The following ABCD4 variants were observed in gnomAD, a reference collection of about 807,000 sequenced individuals.
ABCD4 encodes the protein lysosomal cobalamin transporter ABCD4.
ABCD4 carries 53 observed loss-of-function variants against 86.3 expected under a neutral mutation model. The ratio of observed to expected loss-of-function variants is 0.61; its 90% CI spans 0.49 to 0.77. The LOEUF (loss-of-function observed/expected upper bound fraction) is 0.77. Ranked by LOEUF, ABCD4 falls within the 30% of genes least tolerant of loss-of-function variation. The pLI is 0.00. For synonymous variants in ABCD4, 328 were observed against 313.6 expected (o/e 1.05, Z -0.49); for missense variants, 757 against 764.5 (o/e 0.99, Z 0.12).
chr14:74,295,059 C>CGGT (rs1269373931), intron 7 of ABCD4, 89 bp downstream of exon 7: 2 of 1,505,846 alleles, frequency 1.3e-6, no homozygotes, highest in Admixed American at 1.7e-5. Context: ...CCCCTGAGCT[C>CGGT]GGTGGTGGTG....
In ABCD4 at chr14:74,295,902, G is replaced by C; in HGVS notation, c.620C>G (p.Pro207Arg). The change falls in exon 6 of 19, where the codon CCC becomes CGC. Residue 207 changes from proline to arginine, a missense_variant. By Grantham distance (103) the Pro-to-Arg change is moderately radical (BLOSUM62 -2). Coordinates refer to ENST00000356924, the MANE Select transcript of ABCD4 (RefSeq NM_005050.4). ...GTVVNKTLMG[P>R]IVMKLVHQEK... ...CTGATGCACCAGCTTCATCACAATG[G>C]GGCCCATCAAAGTTTTGTTCACCAC... 6.2e-7 allele frequency: 1 copy of C among 1,613,148 alleles called. No homozygotes were observed.
intron 3 of ABCD4, 104 bp downstream of exon 3, chr14:74,299,444 C>A (rs1445435082): frequency 2.1e-6 from 3 of 1,425,514 alleles, no homozygotes; most frequent in Non-Finnish European, 2.9e-6. Flanking sequence ...GGAAACACAC[C>A]CCCACAGCTT....
intron 15 of ABCD4, 63 bp from the exon 16 acceptor site, chr14:74,288,322 G>A: frequency 1.3e-6 from 2 of 1,517,052 alleles, no homozygotes; most frequent in Non-Finnish European, 1.8e-6. Flanking sequence ...TGCCATCATG[G>A]GGAACCTCCC....
rs930102975 is a variant in ABCD4, at chr14:74,286,541, C to T, written c.1753-12G>A. On this transcript the variant is annotated splice_polypyrimidine_tract_variant and intron_variant, in intron 18 of 18. Transcript: ENST00000356924. The stretch of plus-strand genomic sequence containing the variant: ...ACCAAGGAATGAAACTACAAGAGAC[C>T]ACCACCACATGGAGATCAGGCTGCC... 14 of 1,614,206 alleles carry T rather than the reference C, an allele frequency of 8.7e-6. No individual in the cohort carries two copies. Among genetic ancestry groups the T allele is most frequent in the Middle Eastern group, 1.6e-4 (1 of 6,062 alleles).
intron 6 of ABCD4, chr14:74,295,644 T>C: frequency 1.6e-6 from 1 of 625,168 alleles, no homozygotes; most frequent in East Asian, 3.0e-5. Flanking sequence ...AGGTATGATT[T>C]CATTAATCCT....
At chr14:74,297,727 C>T in intron 4 of ABCD4, 1 of 1,299,232 alleles carries the variant, frequency 7.7e-7, no homozygotes, top group East Asian at 3.2e-5. Context: ...ACCTGGCAGG[C>T]TTCTTCTTTT....
chr14:74,295,809 A>C (rs1310231707), intron 6 of ABCD4, 45 bp downstream of exon 6: 7 of 1,607,484 alleles, frequency 4.4e-6, no homozygotes, highest in Non-Finnish European at 5.9e-6. Flanking sequence ...CCCCTTCCTT[A>C]ACTATTATGC....
At chr14:74,298,569 C>T (rs115217756) in intron 3 of ABCD4, among the ~76,000 whole-genome samples, 396 of 152,326 alleles carry the variant, frequency 2.6e-3, no homozygotes, top group African/African-American at 9.3e-3. Flanking sequence ...CTGTACCCAG[C>T]CTCCTTCACC....
At chr14:74,297,656 C>T (rs1329243534) in intron 4 of ABCD4, 6 of 1,098,424 alleles carry the variant, frequency 5.5e-6, no homozygotes, top group Non-Finnish European at 4.5e-6. Flanking sequence ...TACTCCTGGG[C>T]TCAAGTGATC....
At position 74,295,983 on chromosome 14, in the gene ABCD4, A is replaced by C. The variant is rs1166682753; in HGVS notation, c.543-4T>G. On this transcript the variant is annotated splice_polypyrimidine_tract_variant and splice_region_variant and intron_variant, in intron 5 of 18. Transcript: ENST00000356924. Reference sequence around the variant, plus strand: ...CACAGGCCCGAGCCAGCCTGTGCTGAAATAGAGAGAGAGGGAGAGAAGGGA... The same window carrying C: ...CACAGGCCCGAGCCAGCCTGTGCTGCAATAGAGAGAGAGGGAGAGAAGGGA... 1 of 1,599,432 alleles carries C rather than the reference A, an allele frequency of 6.3e-7. No homozygotes were observed. Among genetic ancestry groups the C allele is most frequent in the Non-Finnish European group, 8.5e-7 (1 of 1,175,404 alleles).
At chr14:74,287,131 T>G (rs528019487) in intron 17 of ABCD4, among the ~76,000 whole-genome samples, 1 of 152,224 alleles carries the variant, frequency 6.6e-6, no homozygotes, top group Non-Finnish European at 1.5e-5. Context: ...TCCACACCCA[T>G]CCACCTGCCA....
At chr14:74,298,091 GGGAA>G (rs1314799339) in intron 3 of ABCD4, 22 bp from the exon 4 acceptor site, 8 of 1,610,666 alleles carry the variant, frequency 5.0e-6, no homozygotes, top group Non-Finnish European at 5.9e-6. Flanking sequence ...GGGAAGCAAG[GGGAA>G]GGGAGAGATG....
intron 7 of ABCD4, 147 bp downstream of exon 7, chr14:74,295,000 CA>C (rs2082472143): frequency 1.4e-5 from 13 of 912,634 alleles, no homozygotes; most frequent in South Asian, 1.2e-4. Context: ...CAGGCAAGGG[CA>C]GGGGGAGGTA....
chr14:74,299,200 C>A, intron 3 of ABCD4: 1 of 224,564 alleles, frequency 4.5e-6, no homozygotes. Context: ...CAGCCTCGGT[C>A]CCGCAGAGGA....
chr14:74,293,356 G>T, intron 7 of ABCD4, 108 bp from the exon 8 acceptor site: 1 of 983,012 alleles, frequency 1.0e-6, no homozygotes, highest in Non-Finnish European at 1.5e-6. Flanking sequence ...CCATTCAAAT[G>T]ATCTTGGTCT....
chr14:74,295,161 C>A lies in ABCD4; in HGVS notation c.706G>T (p.Ala236Ser). Residue 236 changes from alanine (A) to serine (S), a missense_variant, in exon 7 of 19, where the codon GCT (alanine) becomes TCT (serine). Ala to Ser is a moderately conservative substitution (Grantham distance 99, BLOSUM62 1). Coordinates refer to ENST00000356924, the MANE Select transcript of ABCD4 (RefSeq NM_005050.4). ...HMQIRVNAEP[A>S]AFYRAGHVEH... is the part of the protein sequence containing the mutation. ...CTCCAGACTCACCTGTAGAAAGCAGCAGGCTCCGCATTCACCCGAATCTGC... is the reference window on the plus strand; with the variant it reads ...CTCCAGACTCACCTGTAGAAAGCAGAAGGCTCCGCATTCACCCGAATCTGC... 1 of 1,614,212 alleles carries A rather than the reference C, an allele frequency of 6.2e-7. No homozygotes were observed. Among genetic ancestry groups the A allele is most frequent in the Non-Finnish European group, 8.5e-7 (1 of 1,180,034 alleles).
At chr14:74,298,170 C>G in intron 3 of ABCD4, 101 bp from the exon 4 acceptor site, 1 of 1,516,120 alleles carries the variant, frequency 6.6e-7, no homozygotes, top group Admixed American at 2.7e-5. Flanking sequence ...CATCCCAGCC[C>G]ACTCTGACTC....
chr14:74,289,760 C>A (rs945169489), intron 13 of ABCD4: 2 of 1,433,836 alleles, frequency 1.4e-6, no homozygotes, highest in Non-Finnish European at 1.8e-6. Flanking sequence ...CCCCAGAATC[C>A]GACCTTGGGT....
In ABCD4 at chr14:74,295,882, G is replaced by A; in HGVS notation, c.640C>T (p.His214Tyr). Residue 214 changes from histidine (H) to tyrosine (Y), a missense_variant, in exon 6 of 19, where the codon CAT becomes TAT. Physicochemically the swap from His to Tyr is moderately conservative, Grantham distance 83. Coordinates refer to ENST00000356924, the MANE Select transcript of ABCD4 (RefSeq NM_005050.4). ...AAATCTCCCTCCAGCTTCTCCTGAT[G>A]CACCAGCTTCATCACAATGGGGCCC... The part of the protein sequence containing the change: ...LMGPIVMKLV[H>Y]QEKLEGDFRF... The A allele has an allele frequency of 2.5e-6, 4 of 1,613,312 alleles. No homozygotes were observed. Among genetic ancestry groups the A allele is most frequent in the Admixed American group, 1.7e-5 (1 of 59,664 alleles).
Sources: allele counts gnomAD v4.1 joint callset (sites outside exome capture counted in the v4.1 genomes callset), GRCh38; gene constraint gnomAD v4.1.1; transcripts MANE v1.5; gene names NCBI Gene and HGNC (gene_info 2026-07-23, HGNC 2026-07-21).